MAST1: variants seen among roughly 807,000 people sequenced by gnomAD.
The protein encoded by MAST1 is microtubule-associated serine/threonine-protein kinase 1.
Under a neutral mutation model 124.6 loss-of-function variants are expected in MAST1, and 40 were observed. The ratio of observed to expected loss-of-function variants is 0.32; its 90% CI spans 0.25 to 0.42. The LOEUF is 0.42. MAST1 is among the 10% of genes least tolerant of loss of function. The pLI is 1.00. For missense variants in MAST1, 1,558 were observed against 2,181.9 expected (o/e 0.71, Z 5.70); for synonymous variants, 938 against 939.4 (o/e 1.00, Z 0.03).
intron 7 of MAST1, chr19:12,848,474 A>ACC: frequency 5.8e-6 from 1 of 173,590 alleles, no homozygotes; most frequent in South Asian, 1.2e-4. Flanking sequence ...ACACACACAC[A>ACC]AAATTAGCCG....
chr19:12,852,313 TCA>T lies in MAST1; in HGVS notation c.1010-14_1010-13del. ...CCCAGAACCCAGCTCGTGCTCACTC[TCA>T]GTCCCTCCCTAGATGTGGTGCATCT... On this transcript the variant is annotated splice_polypyrimidine_tract_variant and intron_variant, in intron 9 of 25. Coordinates refer to ENST00000251472, the MANE Select transcript of MAST1 (RefSeq NM_014975.3). 1 of 1,614,068 alleles carries T rather than the reference TCA, an allele frequency of 6.2e-7. No individual in the cohort carries two copies. The highest frequency in any genetic ancestry group is 8.5e-7 in the Non-Finnish European group (1 of 1,180,000).
In MAST1 at chr19:12,838,708, G is replaced by A; in HGVS notation, c.83+53G>A. ...CCCGGCCCTCCCCGCAAAAGCCGCC[G>A]CTCCGGGTACTGCTGCAGGGCGGGG... On this transcript the variant is annotated intron_variant, in intron 1 of 25. Coordinates refer to ENST00000251472, the MANE Select transcript of MAST1 (RefSeq NM_014975.3). The surrounding 1 kb of genome is among the most constrained non-coding windows in gnomAD (Gnocchi z 4.3). 6.5e-7 allele frequency: 1 copy of A among 1,547,820 alleles called. No homozygotes were observed. The highest frequency in any genetic ancestry group is 1.4e-5 in the African/African-American group (1 of 72,952).
Position 12,874,398 on chromosome 19 carries a change from C to G in MAST1, c.4241C>G (p.Pro1414Arg). The change falls in exon 26 of 26, where the codon CCG (proline) becomes CGG (arginine). Residue 1414 changes from proline (P) to arginine (R), a missense_variant. By Grantham distance (103) the Pro-to-Arg change is moderately radical (BLOSUM62 -2). Transcript: ENST00000251472. This position sits in a 1 kb window ranked among gnomAD's most constrained non-coding sequence, Gnocchi z 6.6. ...ARAVAKAALS[P>R]VQEHETGRRS... ...GCTGTGGCCAAGGCGGCGCTGAGCC[C>G]GGTGCAGGAACACGAGACAGGCCGG... 6.3e-7 allele frequency: 1 copy of G among 1,598,726 alleles called. No homozygotes were observed. Among genetic ancestry groups the G allele is most frequent in the South Asian group, 1.1e-5 (1 of 90,994 alleles).
At chr19:12,851,645 C>T (rs1302941809) in intron 7 of MAST1, among the ~76,000 whole-genome samples, 1 of 152,182 alleles carries the variant, frequency 6.6e-6, no homozygotes, top group Admixed American at 6.5e-5. Flanking sequence ...TGCCACCACG[C>T]CTGGCTCATT....
chr19:12,851,062 C>T (rs879050418), intron 7 of MAST1, among the ~76,000 whole-genome samples: 1 of 151,122 alleles, frequency 6.6e-6, no homozygotes, highest in Admixed American at 6.6e-5. Flanking sequence ...ATTCTCTTGC[C>T]TCAGCCTCCC....
At chr19:12,839,762 G>C (rs961276207) in intron 1 of MAST1, among the ~76,000 whole-genome samples, 18 of 152,264 alleles carry the variant, frequency 1.2e-4, no homozygotes, top group African/African-American at 3.4e-4. Context: ...ATGCATCCTG[G>C]CCAGGCATGG....
At chr19:12,849,645 C>CA (rs1372320737) in intron 7 of MAST1, among the ~76,000 whole-genome samples, 1 of 151,558 alleles carries the variant, frequency 6.6e-6, no homozygotes, top group African/African-American at 2.4e-5. Context: ...GCCTGGGCAA[C>CA]AGAGTGAGAT....
chr19:12,852,431 T>G, intron 10 of MAST1, 36 bp downstream of exon 10: 1 of 1,497,326 alleles, frequency 6.7e-7, no homozygotes, highest in South Asian at 1.1e-5. Context: ...GTACCCTGGT[T>G]CCTGGGAGGG....
At position 12,873,646 on chromosome 19, in the gene MAST1, GC is replaced by G; in HGVS notation, c.3492del (p.Asn1165ThrfsTer110). On this transcript the variant is annotated frameshift_variant, in exon 26 of 26. Coordinates refer to ENST00000251472, the MANE Select transcript of MAST1 (RefSeq NM_014975.3). LOFTEE classifies it low-confidence loss of function (END_TRUNC). Reference sequence around the variant, plus strand: ...AGAGCAGCTCCCCAGCCTCGAGCACGCCCAACTCGCCTGCGTCGTCGGCGTC... The same window carrying G: ...AGAGCAGCTCCCCAGCCTCGAGCACGCCAACTCGCCTGCGTCGTCGGCGTC... Reference protein sequence around the residue: ...SQSSSPASSTPNSPASSASHH... With the variant: ...SQSSSPASSTXNSPASSASHH... 1 of 1,595,218 alleles carries G rather than the reference GC, an allele frequency of 6.3e-7. No individual in the cohort carries two copies.
In MAST1 at chr19:12,840,438, C is replaced by A; in HGVS notation, c.84-8C>A. On this transcript the variant is annotated splice_polypyrimidine_tract_variant and splice_region_variant and intron_variant, in intron 1 of 25. Coordinates refer to ENST00000251472, the MANE Select transcript of MAST1 (RefSeq NM_014975.3). The stretch of plus-strand genomic sequence containing the variant: ...CGGCCCGGCCCCCCTGCCTTACCTT[C>A]CCCGCAGCTGCCGCACCAGTAATCG... 6.2e-7 allele frequency: 1 copy of A among 1,607,056 alleles called. No individual in the cohort carries two copies. The highest frequency in any genetic ancestry group is 8.5e-7 in the Non-Finnish European group (1 of 1,174,502).
chr19:12,873,632 C>T lies in MAST1; in HGVS notation c.3475C>T (p.Pro1159Ser). The T allele has an allele frequency of 6.3e-7, 1 of 1,590,924 alleles. No homozygotes were observed. Residue 1159 changes from proline to serine, a missense_variant, in exon 26 of 26, where the codon CCA becomes TCA. By Grantham distance (74) the Pro-to-Ser change is moderately conservative. Coordinates refer to ENST00000251472, the MANE Select transcript of MAST1 (RefSeq NM_014975.3). The stretch of plus-strand genomic sequence containing the variant: ...AGGCGCCTCATCCCAGAGCAGCTCC[C>T]CAGCCTCGAGCACGCCCAACTCGCC... ...YLGASSQSSSPASSTPNSPAS... is the reference protein window; with the variant it reads ...YLGASSQSSSSASSTPNSPAS...
rs770277292 is a variant in MAST1, at chr19:12,874,297, G to T, written c.4140G>T (p.Arg1380=). The T allele has an allele frequency of 6.3e-7, 1 of 1,593,684 alleles. No homozygotes were observed. The highest frequency in any genetic ancestry group is 1.3e-5 in the African/African-American group (1 of 74,656). The change falls in exon 26 of 26, where the codon CGG becomes CGT. Residue 1380 remains arginine, a synonymous_variant. Coordinates refer to ENST00000251472, the MANE Select transcript of MAST1 (RefSeq NM_014975.3). This position sits in a 1 kb window ranked among gnomAD's most constrained non-coding sequence, Gnocchi z 6.6. ...CCCGCGCGACGACCCCCGGTGGCCG[G>T]ACCCTGGAGCGGGACGTCGGCTGCA... ...TPPRATTPGG[R]TLERDVGCTR... is the part of the protein sequence containing the mutation.
In MAST1 at chr19:12,848,402, G is replaced by A. The variant is rs570535468; in HGVS notation, c.774+345G>A. ...TGGGAGGCCGAGGGGGGCGGATCAC[G>A]AGGTCAAGAGATCGAGACCATCCTG... On this transcript the variant is annotated intron_variant, in intron 7 of 25. Coordinates refer to ENST00000251472, the MANE Select transcript of MAST1 (RefSeq NM_014975.3). The A allele has an allele frequency of 1.9e-5, 5 of 268,148 alleles. No homozygotes were observed. In the East Asian group the frequency reaches 4.3e-4, roughly 23 times the overall value. The allele number at this position is 268,148 out of a possible 1,614,324, so 16.6% of individuals were successfully genotyped here. A position where few individuals can be genotyped will look rare whatever the true frequency, so the allele number is the denominator to read the frequency against.
chr19:12,863,600 G>T (rs778710261), intron 12 of MAST1, among the ~76,000 whole-genome samples: 3 of 152,060 alleles, frequency 2.0e-5, no homozygotes, highest in Non-Finnish European at 4.4e-5. Context: ...ATGTAGCAAG[G>T]TTGCCATCTA....
chr19:12,838,712 C>G lies in MAST1; in HGVS notation c.83+57C>G. ...GCCCTCCCCGCAAAAGCCGCCGCTC[C>G]GGGTACTGCTGCAGGGCGGGGCCCG... is the stretch of plus-strand genomic sequence containing the variant. On this transcript the variant is annotated intron_variant, in intron 1 of 25. Coordinates refer to ENST00000251472, the MANE Select transcript of MAST1 (RefSeq NM_014975.3). The surrounding 1 kb of genome is among the most constrained non-coding windows in gnomAD (Gnocchi z 4.3). 6.5e-7 allele frequency: 1 copy of G among 1,529,948 alleles called. No homozygotes were observed. Among genetic ancestry groups the G allele is most frequent in the East Asian group, 2.3e-5 (1 of 43,302 alleles). 94.8% of individuals were successfully genotyped at this position (1,529,948 alleles called of 1,614,324 possible).
intron 7 of MAST1, among the ~76,000 whole-genome samples, chr19:12,850,981 T>C (rs1331641938): frequency 6.7e-6 from 1 of 150,116 alleles, no homozygotes; most frequent in Admixed American, 6.7e-5. Context: ...ACAGTCTCAC[T>C]CTGCTACCCA....
intron 22 of MAST1, among the ~76,000 whole-genome samples, chr19:12,869,795 G>A (rs1970208382): frequency 6.7e-6 from 1 of 149,538 alleles, no homozygotes. Context: ...GCTCAGGCCT[G>A]TAATCCCAGC....
chr19:12,864,849 G>A lies in MAST1; in HGVS notation c.1407G>A (p.Leu469=). The A allele has an allele frequency of 6.2e-7, 1 of 1,614,052 alleles. No homozygotes were observed. The highest frequency in any genetic ancestry group is 8.5e-7 in the Non-Finnish European group (1 of 1,180,034). ...CATLLKNIGA[L]PVEMARMYFA... is the part of the protein sequence containing the mutation. ...CCCTGCTGAAGAATATTGGAGCGCTGCCCGTAGAGATGGCCCGCATGTACT... is the reference window on the plus strand; with the variant it reads ...CCCTGCTGAAGAATATTGGAGCGCTACCCGTAGAGATGGCCCGCATGTACT... The change falls in exon 13 of 26, where the codon CTG becomes CTA. Residue 469 remains leucine (L), a synonymous_variant. Transcript: ENST00000251472.
intron 12 of MAST1, among the ~76,000 whole-genome samples, chr19:12,861,147 C>T (rs1336944873): frequency 6.6e-6 from 1 of 152,108 alleles, no homozygotes; most frequent in African/African-American, 2.4e-5. Flanking sequence ...ACAGCAACCT[C>T]CATCTCCCAG....
Sources: allele counts gnomAD v4.1 joint callset (sites outside exome capture counted in the v4.1 genomes callset), GRCh38; gene constraint gnomAD v4.1.1; non-coding constraint Gnocchi (gnomAD v3.1); transcripts MANE v1.5; gene names NCBI Gene and HGNC (gene_info 2026-07-23, HGNC 2026-07-21).